The following NOSTRIN variants were observed in gnomAD, a reference collection of about 807,000 sequenced individuals.
NOSTRIN encodes the protein BM247 homolog.
NOSTRIN carries 63 observed loss-of-function variants against 59.0 expected under a neutral mutation model. The observed-to-expected ratio is 1.07, with a 90% CI of 0.87 to 1.32. NOSTRIN has a LOEUF of 1.32. NOSTRIN is among the 40% of genes most tolerant of loss of function. The pLI, the probability that NOSTRIN is intolerant of heterozygous loss-of-function variation, is 0.00. For missense variants in NOSTRIN, 512 were observed against 473.1 expected, an observed-to-expected ratio of 1.08 and a Z score of -0.76; for synonymous variants, 200 against 165.4, an observed-to-expected ratio of 1.21 and a Z score of -1.61.
At chr2:168,846,890 A>G (rs1384552323) in intron 8 of NOSTRIN, among the ~76,000 whole-genome samples, 1 of 152,226 alleles carries the variant, frequency 6.6e-6, no homozygotes, top group Admixed American at 6.5e-5. Context: ...ACAACTCATT[A>G]CATAAAATGG....
At chr2:168,827,529 T>C (rs989983906) in intron 3 of NOSTRIN, among the ~76,000 whole-genome samples, 2 of 152,144 alleles carry the variant, frequency 1.3e-5, no homozygotes, top group East Asian at 3.9e-4. Context: ...GCTATTTTAT[T>C]TCCCCTATTT....
chr2:168,789,475 C>G (rs960900838), intron 2 of NOSTRIN, among the ~76,000 whole-genome samples: 1 of 152,166 alleles, frequency 6.6e-6, no homozygotes, highest in African/African-American at 2.4e-5. Flanking sequence ...GTCATGAGAA[C>G]AGCACAAGAA....
intron 2 of NOSTRIN, among the ~76,000 whole-genome samples, chr2:168,823,406 C>T (rs1022251626): frequency 6.6e-6 from 1 of 152,188 alleles, no homozygotes; most frequent in African/African-American, 2.4e-5. Context: ...GTTCTGCAGG[C>T]TGGCAGTCAG....
At chr2:168,840,326 C>T (rs1687999839) in intron 7 of NOSTRIN, among the ~76,000 whole-genome samples, 1 of 151,892 alleles carries the variant, frequency 6.6e-6, no homozygotes. Flanking sequence ...GTCAGGAGAT[C>T]GAGACCATCC....
chr2:168,799,591 T>C (rs1441069841), upstream of NOSTRIN, among the ~76,000 whole-genome samples: 1 of 152,206 alleles, frequency 6.6e-6, no homozygotes, highest in African/African-American at 2.4e-5. Flanking sequence ...AGGTGCTTTT[T>C]GCTGTGCTCC....
chr2:168,823,722 ACTT>A (rs1343203736), intron 2 of NOSTRIN, among the ~76,000 whole-genome samples: 1 of 152,196 alleles, frequency 6.6e-6, no homozygotes, highest in Non-Finnish European at 1.5e-5. Flanking sequence ...TAGGACTTCA[ACTT>A]CTTCTTGGGA....
chr2:168,797,079 C>CTTTTCTTTTTTTT (rs1553519713), upstream of NOSTRIN, among the ~76,000 whole-genome samples: 10 of 75,056 alleles, frequency 1.3e-4, no homozygotes, highest in African/African-American at 2.4e-4. Context: ...TTTCTTTTTT[C>CTTTTCTTTTTTTT]TTTTTTTTTT....
chr2:168,811,412 A>G (rs969126476), intron 1 of NOSTRIN, 155 bp from the exon 2 acceptor site: 37 of 408,936 alleles, frequency 9.0e-5, no homozygotes, highest in African/African-American at 7.5e-4. Flanking sequence ...TTATTTTAAG[A>G]ACTCATCCAA....
At chr2:168,801,430 C>T (rs1002801442), upstream of NOSTRIN, among the ~76,000 whole-genome samples, 1 of 151,760 alleles carries the variant, frequency 6.6e-6, no homozygotes, top group Non-Finnish European at 1.5e-5. Flanking sequence ...GCTATATTGC[C>T]CAGGCTGCTC....
intron 2 of NOSTRIN, among the ~76,000 whole-genome samples, chr2:168,823,008 C>CTTTTGTTTTTGT (rs771159389): frequency 6.6e-6 from 1 of 151,920 alleles, no homozygotes; most frequent in Non-Finnish European, 1.5e-5. Context: ...AGTTGTATTA[C>CTTTTGTTTTTGT]TTTTGTTTTT....
In NOSTRIN at chr2:168,859,563, A is replaced by C. The variant is rs763448025; in HGVS notation, c.1105A>C (p.Met369Leu). Residue 369 changes from methionine to leucine, a missense_variant, in exon 13 of 16, where the codon ATG becomes CTG. Physicochemically the swap from Met to Leu is conservative, Grantham distance 15. Coordinates refer to ENST00000317647, the MANE Select transcript of NOSTRIN (RefSeq NM_001039724.4). ...AGCGAACTCCTACAAACTGTCATCA[A>C]TGTTAGCAGAACTTGAGCAAAGACC... ...LEANSYKLSS[M>L]LAELEQRPQP... 1 of 1,614,148 alleles carries C rather than the reference A, an allele frequency of 6.2e-7. No homozygotes were observed. Among genetic ancestry groups the C allele is most frequent in the East Asian group, 2.2e-5 (1 of 44,872 alleles).
rs1334337583 is a variant in NOSTRIN, at chr2:168,791,155, A to T, written c.-473+3107A>T. ...TATCCCTCCCTGCTTTCCCCACCCC[A>T]CAACAGTCCCCAGTGTGTGATGTTC... On this transcript the variant is annotated intron_variant, in intron 2 of 20. Transcript: ENST00000458381. Among the ~76,000 whole-genome samples the T allele has an allele frequency of 2.0e-5, 3 of 151,972 alleles. No homozygotes were observed. The East Asian group carries it at 5.8e-4, about 29-fold the overall frequency.
At chr2:168,844,573 A>G (rs1238840377) in intron 8 of NOSTRIN, among the ~76,000 whole-genome samples, 2 of 152,172 alleles carry the variant, frequency 1.3e-5, no homozygotes, top group Non-Finnish European at 2.9e-5. Context: ...TGAAGCAATG[A>G]GCCTGAGATG....
chr2:168,787,126 G>A (rs940781497), intron 1 of NOSTRIN, among the ~76,000 whole-genome samples: 2 of 152,256 alleles, frequency 1.3e-5, no homozygotes, highest in South Asian at 4.1e-4. Context: ...GGTAAGAAAA[G>A]GTTTCAAGCA....
intron 2 of NOSTRIN, among the ~76,000 whole-genome samples, chr2:168,823,511 T>C (rs1686878384): frequency 2.0e-5 from 3 of 152,224 alleles, no homozygotes; most frequent in Non-Finnish European, 1.5e-5. Context: ...CTTTGGCTTG[T>C]AGATGCACCA....
chr2:168,839,282 T>C (rs979094994), intron 7 of NOSTRIN, among the ~76,000 whole-genome samples: 1 of 152,216 alleles, frequency 6.6e-6, no homozygotes, highest in African/African-American at 2.4e-5. Flanking sequence ...TGGAGATCGA[T>C]TTTTGAGCAC....
At chr2:168,790,376 A>G (rs745485642) in intron 2 of NOSTRIN, among the ~76,000 whole-genome samples, 2 of 152,214 alleles carry the variant, frequency 1.3e-5, no homozygotes, top group Non-Finnish European at 2.9e-5. Flanking sequence ...TACTAACTTC[A>G]AAGGTTAAAG....
upstream of NOSTRIN, chr2:168,801,293 A>G (rs1312125496): frequency 1.5e-5 from 2 of 137,506 alleles, no homozygotes; most frequent in Non-Finnish European, 3.1e-5. Context: ...GTCTCACTCT[A>G]TTGCCCAGCT....
chr2:168,795,968 T>A (rs559907390), upstream of NOSTRIN, among the ~76,000 whole-genome samples: 9 of 152,358 alleles, frequency 5.9e-5, no homozygotes, highest in African/African-American at 1.7e-4. Flanking sequence ...AAATTTTTTT[T>A]AAAATATGTG....
Sources: allele counts gnomAD v4.1 joint callset (sites outside exome capture counted in the v4.1 genomes callset), GRCh38; gene constraint gnomAD v4.1.1; transcripts MANE v1.5; gene names NCBI Gene and HGNC (gene_info 2026-07-23, HGNC 2026-07-21).